Variants in TTC6 observed in about 807,000 individuals in gnomAD.
TTC6 encodes tetratricopeptide repeat protein 6.
A neutral mutation model predicts 210.4 loss-of-function variants in TTC6; 172 were observed. The observed-to-expected ratio is 0.82, with a 90% CI of 0.72 to 0.93. TTC6 has a LOEUF of 0.93. Among genes scored for constraint, TTC6 ranks in the 40% least tolerant of loss-of-function variants. TTC6 has a pLI of 0.00. For missense variants in TTC6, 2,414 were observed against 2,318.1 expected, an observed-to-expected ratio of 1.04 and a Z score of -0.85; for synonymous variants, 804 against 819.6, an observed-to-expected ratio of 0.98 and a Z score of 0.32.
intron 27 of TTC6, among the ~76,000 whole-genome samples, chr14:37,824,210 T>C (rs1178012645): frequency 2.6e-5 from 4 of 152,132 alleles, no homozygotes; most frequent in Admixed American, 1.3e-4. Flanking sequence ...TTCCTTTATG[T>C]CTGCACCCCT....
chr14:37,622,255 G>T (rs552758844), exon 1 of TTC6: 1 of 1,535,150 alleles, frequency 6.5e-7, no homozygotes, highest in South Asian at 1.2e-5. Flanking sequence ...CGCCCCGCGC[G>T]CGTTTCCTGC....
chr14:37,615,330 T>A (rs1426345432), intron 2 of TTC6, among the ~76,000 whole-genome samples: 2 of 152,090 alleles, frequency 1.3e-5, no homozygotes, highest in African/African-American at 4.8e-5. Flanking sequence ...ACATAATTAT[T>A]TTTTATTTTT....
chr14:37,606,616 T>C (rs1447516106), intron 1 of TTC6, 47 bp from the exon 2 acceptor site: 6 of 492,400 alleles, frequency 1.2e-5, no homozygotes, highest in Non-Finnish European at 5.3e-6. Context: ...TGACTCATTT[T>C]CTCTTGTTAG....
chr14:37,715,234 A>T (rs1472272436), intron 6 of TTC6, among the ~76,000 whole-genome samples: 1 of 152,094 alleles, frequency 6.6e-6, no homozygotes, highest in Non-Finnish European at 1.5e-5. Context: ...ACATGCTAGG[A>T]GGCCAATACA....
intron 1 of TTC6, among the ~76,000 whole-genome samples, chr14:37,644,812 G>A (rs1458940582): frequency 6.6e-6 from 1 of 152,214 alleles, no homozygotes; most frequent in Non-Finnish European, 1.5e-5. Flanking sequence ...GGAGCTAGCA[G>A]ACAATGGAAA....
chr14:37,653,334 A>G (rs1228611231), intron 1 of TTC6, among the ~76,000 whole-genome samples: 1 of 152,004 alleles, frequency 6.6e-6, no homozygotes, highest in African/African-American at 2.4e-5. Context: ...AACATCCTTC[A>G]TTTCTGGGAA....
intron 23 of TTC6, among the ~76,000 whole-genome samples, chr14:37,808,459 C>G (rs942173643): frequency 6.6e-6 from 1 of 152,044 alleles, no homozygotes; most frequent in African/African-American, 2.4e-5. Context: ...TTGCCATATA[C>G]CAACATTGGT....
intron 29 of TTC6, among the ~76,000 whole-genome samples, chr14:37,836,377 C>A (rs1318470838): frequency 6.6e-6 from 1 of 152,104 alleles, no homozygotes; most frequent in Non-Finnish European, 1.5e-5. Flanking sequence ...TTAATGTGAT[C>A]AAGGCAAATA....
intron 9 of TTC6, among the ~76,000 whole-genome samples, chr14:37,738,176 AATT>A (rs1290918182): frequency 6.7e-6 from 1 of 149,962 alleles, no homozygotes; most frequent in East Asian, 1.9e-4. Context: ...AAAATTATAT[AATT>A]ATTAATGTTA....
chr14:37,622,894 T>C (rs2095654147), exon 1 of TTC6: 1 of 1,535,064 alleles, frequency 6.5e-7, no homozygotes, highest in Non-Finnish European at 8.7e-7. Context: ...CCCACGTCCA[T>C]CGAAGAGATC....
chr14:37,598,423 G>GCCGCCATTAC lies in TTC6; in HGVS notation c.-235+2421_-235+2422insTTACCCGCCA, dbSNP rs2095608731. ...GTAGGGTGCGCGGGTACTCCGGGTA[G>GCCGCCATTAC]CCGCCAGCGGAGGAAGCGGCTCCGC... On this transcript the variant is annotated intron_variant, in intron 1 of 2. Transcript: ENST00000556845. This position sits in a 1 kb window ranked among gnomAD's most constrained non-coding sequence, Gnocchi z 4.9. 6.6e-6 allele frequency among the ~76,000 whole-genome samples: 1 copy of GCCGCCATTAC among 152,214 alleles called. No individual in the cohort carries two copies. The highest frequency in any genetic ancestry group is 1.5e-5 in the Non-Finnish European group (1 of 68,038).
At chr14:37,831,329 A>T (rs1482736476) in intron 29 of TTC6, among the ~76,000 whole-genome samples, 1 of 152,172 alleles carries the variant, frequency 6.6e-6, no homozygotes, top group African/African-American at 2.4e-5. Flanking sequence ...TCACCTGCTG[A>T]TGGACACTTA....
chr14:37,660,597 A>C (rs1368897551), intron 1 of TTC6, among the ~76,000 whole-genome samples: 2 of 152,138 alleles, frequency 1.3e-5, no homozygotes, highest in Non-Finnish European at 2.9e-5. Flanking sequence ...ATCACTGATG[A>C]GCATTTAGAT....
At chr14:37,722,321 A>G (rs1443369239) in intron 6 of TTC6, among the ~76,000 whole-genome samples, 1 of 152,120 alleles carries the variant, frequency 6.6e-6, no homozygotes, top group East Asian at 1.9e-4. Flanking sequence ...GACTCTTCTC[A>G]GAAAGTTCTG....
At chr14:37,654,143 G>A (rs1043735662) in intron 1 of TTC6, among the ~76,000 whole-genome samples, 2 of 152,160 alleles carry the variant, frequency 1.3e-5, no homozygotes, top group Non-Finnish European at 2.9e-5. Flanking sequence ...TGAAGGTGGG[G>A]CCTGTTGTGA....
At chr14:37,732,651 C>T (rs35704359) in intron 7 of TTC6, among the ~76,000 whole-genome samples, 62,191 of 151,054 alleles carry the variant, frequency 0.41, 13,783 homozygotes, top group Non-Finnish European at 0.5. Flanking sequence ...CGGAGTCTTG[C>T]TCTGTCGCCC....
exon 6 of TTC6, chr14:37,714,731 C>A: frequency 6.5e-7 from 1 of 1,535,706 alleles, no homozygotes; most frequent in South Asian, 1.2e-5. Context: ...AGGGATACCA[C>A]CTGAATTGGC....
At chr14:37,622,556 C>A in exon 1 of TTC6, 3 of 1,534,894 alleles carry the variant, frequency 2.0e-6, no homozygotes, top group Non-Finnish European at 2.6e-6. Flanking sequence ...GCAGAGCGCG[C>A]GGGGTCTTGG....
intron 3 of TTC6, among the ~76,000 whole-genome samples, chr14:37,692,373 G>A (rs1255275167): frequency 6.6e-6 from 1 of 151,842 alleles, no homozygotes; most frequent in African/African-American, 2.4e-5. Flanking sequence ...CCCACTTTGG[G>A]ATGCAAGGAT....
Sources: gnomAD v4.1 joint callset for allele counts (sites outside exome capture counted in the v4.1 genomes callset) on GRCh38, gnomAD v4.1.1 for gene constraint, Gnocchi (gnomAD v3.1) non-coding constraint, MANE v1.5 for transcripts, NCBI Gene and HGNC (gene_info 2026-07-23, HGNC 2026-07-21) for gene names.